The following COL22A1 variants were observed in gnomAD, a reference collection of about 807,000 sequenced individuals.
COL22A1 encodes collagen alpha-1(XXII) chain.
Under a neutral mutation model 248.9 loss-of-function variants are expected in COL22A1, and 221 were observed. That is an observed-to-expected ratio of 0.89 (90% CI 0.80 to 0.99). The LOEUF (loss-of-function observed/expected upper bound fraction) is 0.99. COL22A1 is among the 50% of genes least tolerant of loss of function. The probability of loss-of-function intolerance (pLI) is 0.00; values close to 1 mark genes in which losing one functional copy is unlikely to be tolerated. For synonymous variants in COL22A1, 891 were observed against 793.4 expected (o/e 1.12, Z -2.07); for missense variants, 2,240 against 2,179.0 (o/e 1.03, Z -0.56).
chr8:138,632,102 C>T (rs1820774411), intron 49 of COL22A1, among the ~76,000 whole-genome samples: 1 of 152,178 alleles, frequency 6.6e-6, no homozygotes, highest in African/African-American at 2.4e-5. Context: ...ACTTTAGTTT[C>T]CTTCACAGTG....
chr8:138,679,588 T>C (rs753213084), intron 40 of COL22A1, 29 bp downstream of exon 40: 1 of 1,604,510 alleles, frequency 6.2e-7, no homozygotes, highest in East Asian at 2.2e-5. Context: ...TCTGTCTTTT[T>C]GCAAATGTTT....
rs113939337 is a variant in COL22A1, at chr8:138,833,317, G to A, written c.734-167C>T. ...ATTCAGGGAGAAAACACAAGCACCC[G>A]AGTAATGGGACGTATAGCCTTGGCT... On this transcript the variant is annotated intron_variant, in intron 4 of 64. Transcript: ENST00000303045. 2.5e-4 allele frequency among the ~76,000 whole-genome samples: 38 copies of A among 152,280 alleles called. No individual in the cohort carries two copies. In the South Asian group the frequency reaches 3.5e-3, roughly 14 times the overall value.
chr8:138,850,727 G>C (rs1254869095), intron 3 of COL22A1, among the ~76,000 whole-genome samples: 2 of 152,212 alleles, frequency 1.3e-5, no homozygotes, highest in African/African-American at 2.4e-5. Context: ...ATGGGAGGAA[G>C]CTCTGGGGTC....
chr8:138,822,273 C>T (rs938843291), intron 6 of COL22A1, among the ~76,000 whole-genome samples: 14 of 152,202 alleles, frequency 9.2e-5, no homozygotes, highest in African/African-American at 3.1e-4. Flanking sequence ...TGGTCTCAAA[C>T]TCCTGACCTC....
intron 3 of COL22A1, among the ~76,000 whole-genome samples, chr8:138,849,721 C>A (rs1354930098): frequency 6.6e-6 from 1 of 152,176 alleles, no homozygotes; most frequent in Non-Finnish European, 1.5e-5. Context: ...CACCCTGTAC[C>A]TATAGGATTC....
At chr8:138,703,381 A>G (rs1408690707) in intron 30 of COL22A1, 34 bp from the exon 31 acceptor site, 1 of 1,596,336 alleles carries the variant, frequency 6.3e-7, no homozygotes. Flanking sequence ...ATGACCATTA[A>G]TCTTCCTCCC....
intron 18 of COL22A1, among the ~76,000 whole-genome samples, chr8:138,759,187 G>C (rs1184793689): frequency 1.3e-5 from 2 of 152,192 alleles, no homozygotes; most frequent in African/African-American, 4.8e-5. Context: ...CCCATCCTAA[G>C]CTGAGGTCTG....
At position 138,598,853 on chromosome 8, in the gene COL22A1, CT is replaced by C; in HGVS notation, c.4230del (p.Gly1411AlafsTer17). On this transcript the variant is annotated frameshift_variant, in exon 61 of 65. Transcript: ENST00000303045. LOFTEE classifies it high-confidence loss of function. ...IKGDKGPPGGKGQPGDPGIPG... is the reference protein window; with the variant it reads ...IKGDKGPPGGXGQPGDPGIPG... ...GGGATTCCAGGGTCCCCAGGCTGGCCTTTTCCACCAGGAGGTCCTTTGTCAC... is the reference window on the plus strand; with the variant it reads ...GGGATTCCAGGGTCCCCAGGCTGGCCTTTCCACCAGGAGGTCCTTTGTCAC... 6.2e-7 allele frequency: 1 copy of C among 1,614,170 alleles called. No individual in the cohort carries two copies. Among genetic ancestry groups the C allele is most frequent in the Non-Finnish European group, 8.5e-7 (1 of 1,180,020 alleles).
intron 3 of COL22A1, among the ~76,000 whole-genome samples, chr8:138,876,505 C>CA (rs1823728804): frequency 6.6e-6 from 1 of 152,052 alleles, no homozygotes; most frequent in Non-Finnish European, 1.5e-5. Context: ...CAAGGCCATA[C>CA]AAAAAAGTAG....
chr8:138,894,946 C>T (rs1825299323), intron 1 of COL22A1, among the ~76,000 whole-genome samples: 1 of 151,768 alleles, frequency 6.6e-6, no homozygotes, highest in Non-Finnish European at 1.5e-5. Context: ...GTAGTCCCAG[C>T]TACTCAGAAG....
At chr8:138,747,425 A>G (rs1212410676) in intron 22 of COL22A1, among the ~76,000 whole-genome samples, 1 of 152,200 alleles carries the variant, frequency 6.6e-6, no homozygotes. Flanking sequence ...CAAAGTCCTT[A>G]TAATGACCCA....
chr8:138,833,174 G>C, intron 4 of COL22A1, 24 bp from the exon 5 acceptor site: 1 of 1,528,942 alleles, frequency 6.5e-7, no homozygotes, highest in Non-Finnish European at 9.1e-7. Flanking sequence ...AGAGCTGGGA[G>C]TGAGTTTGGA....
chr8:138,770,375 C>T (rs961255537), intron 16 of COL22A1, among the ~76,000 whole-genome samples: 5 of 152,218 alleles, frequency 3.3e-5, no homozygotes, highest in African/African-American at 7.2e-5. Context: ...ACTCGGGCTC[C>T]GCCACCTGGA....
At chr8:138,688,774 C>G in intron 37 of COL22A1, 143 bp downstream of exon 37, 1 of 676,732 alleles carries the variant, frequency 1.5e-6, no homozygotes, top group Non-Finnish European at 2.7e-6. Flanking sequence ...TGGGATGGCA[C>G]AGTCTTCCTC....
At chr8:138,623,262 ATG>A (rs5895542) in intron 52 of COL22A1, among the ~76,000 whole-genome samples, 11,239 of 143,392 alleles carry the variant, frequency 0.078, 473 homozygotes, top group East Asian at 0.12. Context: ...ATATATATTT[ATG>A]TGTGTGTGTG....
At chr8:138,606,204 T>G (rs1818405146) in intron 58 of COL22A1, among the ~76,000 whole-genome samples, 177 bp downstream of exon 58, 1 of 152,180 alleles carries the variant, frequency 6.6e-6, no homozygotes, top group Admixed American at 6.5e-5. Context: ...GCCATGCAGG[T>G]GTGACCTCTG....
At chr8:138,850,269 C>T (rs1821532802) in intron 3 of COL22A1, among the ~76,000 whole-genome samples, 1 of 152,206 alleles carries the variant, frequency 6.6e-6, no homozygotes, top group African/African-American at 2.4e-5. Context: ...CCACATCTCC[C>T]AGATCCTTTA....
chr8:138,746,631 A>C (rs1832136478), intron 22 of COL22A1, among the ~76,000 whole-genome samples: 1 of 152,218 alleles, frequency 6.6e-6, no homozygotes, highest in African/African-American at 2.4e-5. Context: ...TTCATTCACT[A>C]GAGGAAGCAA....
chr8:138,662,551 T>C (rs180917374), intron 42 of COL22A1, among the ~76,000 whole-genome samples: 2 of 152,252 alleles, frequency 1.3e-5, no homozygotes, highest in East Asian at 1.9e-4. Flanking sequence ...TAGCTGCAAT[T>C]TTCTGGACAA....
Sources: allele counts gnomAD v4.1 joint callset (sites outside exome capture counted in the v4.1 genomes callset), GRCh38; gene constraint gnomAD v4.1.1; transcripts MANE v1.5; gene names NCBI Gene and HGNC (gene_info 2026-07-23, HGNC 2026-07-21).